The following ZNF510 variants were observed in gnomAD, a reference collection of about 807,000 sequenced individuals.
ZNF510 encodes zinc finger protein 510.
ZNF510 carries 15 observed loss-of-function variants against 18.1 expected under a neutral mutation model. That is an observed-to-expected ratio of 0.83 (90% CI 0.55 to 1.28). The LOEUF is 1.28. Ranked by LOEUF, ZNF510 falls within the 50% of genes most tolerant of loss-of-function variation. ZNF510 has a pLI of 0.00. For missense variants in ZNF510, 724 were observed against 791.8 expected (o/e 0.91, Z 1.03); for synonymous variants, 261 against 266.4 (o/e 0.98, Z 0.20).
rs538244113 is a variant in ZNF510 at position 96,759,606 on chromosome 9, T to C, written c.1224A>G (p.Glu408=). The C allele has an allele frequency of 2.7e-5, 44 of 1,614,024 alleles. 2 individuals are homozygous for C. The South Asian group carries it at 4.4e-4, about 16-fold the overall frequency. ...HSMMKPYKCN[E]CGKSFCQKGH... is the part of the protein sequence containing the mutation. ...CTTTCTGACAGAAGGATTTCCCACA[T>C]TCATTACATTTATAGGGTTTCATCA... The change falls in exon 6 of 6, where the codon GAA becomes GAG. Residue 408 remains glutamate, a synonymous_variant. Transcript: ENST00000223428.
At chr9:96,770,078 G>A (rs1849554587) in intron 3 of ZNF510, among the ~76,000 whole-genome samples, 1 of 152,266 alleles carries the variant, frequency 6.6e-6, no homozygotes, top group East Asian at 1.9e-4. Flanking sequence ...TTAGTCCCAA[G>A]AGAAAACAGG....
At chr9:96,767,284 T>C (rs531614778) in intron 3 of ZNF510, among the ~76,000 whole-genome samples, 1 of 152,140 alleles carries the variant, frequency 6.6e-6, no homozygotes, top group South Asian at 2.1e-4. Context: ...GCTGATATCG[T>C]GCCACTACAC....
chr9:96,759,220 G>A lies in ZNF510; in HGVS notation c.1610C>T (p.Thr537Ile), dbSNP rs777345274. 1 of 1,613,920 alleles carries A rather than the reference G, an allele frequency of 6.2e-7. No individual in the cohort carries two copies. Among genetic ancestry groups the A allele is most frequent in the Admixed American group, 1.7e-5 (1 of 59,990 alleles). ...CTGGTAAGTTTTCTCCCCAGTGTGA[G>A]TTCTCTGATGTATTCTGAGGTTTGA... The part of the protein sequence containing the change: ...QKSNLRIHQR[T>I]HTGEKTYQCN... Residue 537 changes from threonine (T) to isoleucine (I), a missense_variant, in exon 6 of 6, where the codon ACT becomes ATT. By Grantham distance (89) the Thr-to-Ile change is moderately conservative. Transcript: ENST00000223428.
At position 96,769,293 on chromosome 9, in the gene ZNF510, C is replaced by T. The variant is rs187516754; in HGVS notation, c.129+5495G>A. ...CTACTGAAAAAATATAAAAATTACC[C>T]GGGCATTGTGGTGCATGCCTGTAAT... On this transcript the variant is annotated intron_variant, in intron 3 of 5. Coordinates refer to ENST00000223428, the MANE Select transcript of ZNF510 (RefSeq NM_014930.3). Among the ~76,000 whole-genome samples, 16 of 152,008 alleles carry T rather than the reference C, an allele frequency of 1.1e-4. 1 individual carries two copies. The East Asian group carries it at 2.1e-3, about 20-fold the overall frequency.
intron 3 of ZNF510, among the ~76,000 whole-genome samples, chr9:96,768,712 C>T (rs568335686): frequency 1.4e-4 from 21 of 152,226 alleles, no homozygotes; most frequent in African/African-American, 5.1e-4. Flanking sequence ...AATGGAAAGA[C>T]ACCTTGTGTT....
chr9:96,762,698 T>C (rs77191678), intron 5 of ZNF510, among the ~76,000 whole-genome samples: 2,832 of 152,264 alleles, frequency 0.019, 81 homozygotes, highest in African/African-American at 0.063. Context: ...CTTCATATAT[T>C]ATTTTGTGCT....
intron 3 of ZNF510, among the ~76,000 whole-genome samples, chr9:96,771,580 A>G (rs1410645276): frequency 1.3e-5 from 2 of 152,112 alleles, no homozygotes; most frequent in African/African-American, 4.8e-5. Flanking sequence ...AAGGATTTCT[A>G]TTATCACCAT....
chr9:96,771,999 GTAAA>G (rs1186701584), intron 3 of ZNF510, among the ~76,000 whole-genome samples: 1 of 152,096 alleles, frequency 6.6e-6, no homozygotes, highest in South Asian at 2.1e-4. Flanking sequence ...ACCTAAAATA[GTAAA>G]TAAATTCACA....
rs138235342 is a variant in ZNF510 at position 96,758,837 on chromosome 9, A to G, written c.1993T>C (p.Cys665Arg). Residue 665 changes from cysteine (C) to arginine (R), a missense_variant, in exon 6 of 6, where the codon TGT becomes CGT. By Grantham distance (180) the Cys-to-Arg change is radical. Coordinates refer to ENST00000223428, the MANE Select transcript of ZNF510 (RefSeq NM_014930.3). ...SYECNEYGKL[C>R]KKSTLSLYQK... is the part of the protein sequence containing the mutation. ...TATAAGCTTAGGGTAGACTTCTTAC[A>G]TAATTTCCCATATTCATTGCATTCA... 1.6e-4 allele frequency: 261 copies of G among 1,612,916 alleles called. No homozygotes were observed. The highest frequency in any genetic ancestry group is 2.1e-4 in the Non-Finnish European group (246 of 1,179,234).
rs772970752 is a variant in ZNF510 at position 96,774,658 on chromosome 9, T to C, written c.129+130A>G. On this transcript the variant is annotated intron_variant, in intron 3 of 5. Transcript: ENST00000223428. ...CCATCTTTCCACATGCCAATTCTGC[T>C]GTGCTACTGCCCTGCTTTTCTATAT... The C allele has an allele frequency of 3.6e-4, 284 of 782,806 alleles. 1 individual carries two copies. The highest frequency in any genetic ancestry group is 5.1e-4 in the Non-Finnish European group (258 of 501,238). 48.5% of individuals were successfully genotyped at this position (782,806 alleles called of 1,614,324 possible).
chr9:96,771,279 C>T (rs921209443), intron 3 of ZNF510, among the ~76,000 whole-genome samples: 4 of 151,840 alleles, frequency 2.6e-5, no homozygotes, highest in African/African-American at 9.7e-5. Flanking sequence ...ATAGCACTAC[C>T]TTATGTGGGA....
intron 3 of ZNF510, among the ~76,000 whole-genome samples, chr9:96,774,019 T>C (rs746598774): frequency 1.3e-5 from 2 of 152,244 alleles, no homozygotes; most frequent in African/African-American, 2.4e-5. Flanking sequence ...CCTAGCAAAC[T>C]AATACTAAGG....
chr9:96,764,053 C>T (rs1188697018), intron 3 of ZNF510, among the ~76,000 whole-genome samples: 1 of 152,206 alleles, frequency 6.6e-6, no homozygotes, highest in Non-Finnish European at 1.5e-5. Context: ...GCCATGATCA[C>T]ACCACTGTAT....
chr9:96,758,728 G>C lies in ZNF510; in HGVS notation c.*50C>G. The C allele has an allele frequency of 1.3e-6, 2 of 1,505,018 alleles. No individual in the cohort carries two copies. The highest frequency in any genetic ancestry group is 1.8e-6 in the Non-Finnish European group (2 of 1,127,794). 93.2% of individuals were successfully genotyped at this position (1,505,018 alleles called of 1,614,324 possible). On this transcript the variant is annotated 3_prime_UTR_variant, in exon 6 of 6. Coordinates refer to ENST00000223428, the MANE Select transcript of ZNF510 (RefSeq NM_014930.3). The stretch of plus-strand genomic sequence containing the variant: ...CTCAATTGGTTTTTTGTGTATCTCT[G>C]ATATCAAATGGGGTATTCCTTTTGT...
At chr9:96,762,204 T>TAA (rs551652153) in intron 5 of ZNF510, among the ~76,000 whole-genome samples, 1,318 of 99,412 alleles carry the variant, frequency 0.013, 28 homozygotes, top group African/African-American at 0.024. Context: ...CTGTGGAAAT[T>TAA]AAAAAAAAAA....
At chr9:96,762,490 CAG>C (rs1849373221) in intron 5 of ZNF510, among the ~76,000 whole-genome samples, 1 of 144,314 alleles carries the variant, frequency 6.9e-6, no homozygotes, top group East Asian at 2.0e-4. Flanking sequence ...GCCTGAGTGA[CAG>C]AGGGAGACTC....
chr9:96,764,199 C>T (rs1386149706), intron 3 of ZNF510, among the ~76,000 whole-genome samples: 1 of 151,394 alleles, frequency 6.6e-6, no homozygotes, highest in East Asian at 1.9e-4. Flanking sequence ...ATTTTTGTAG[C>T]CAAAAAATGT....
chr9:96,756,050 G>A lies in ZNF510; in HGVS notation c.*2728C>T, dbSNP rs1849186602. On this transcript the variant is annotated 3_prime_UTR_variant, in exon 6 of 6. Transcript: ENST00000223428. ...AGCTTGATTCCAGTCAGTCTTATCA[G>A]AAAATAGTCTCTTATTATGGGCATC... is the stretch of plus-strand genomic sequence containing the variant. 1 of 152,122 alleles carries A rather than the reference G, an allele frequency of 6.6e-6. No individual in the cohort carries two copies. Among genetic ancestry groups the A allele is most frequent in the African/African-American group, 2.4e-5 (1 of 41,410 alleles). The allele number at this position is 152,122 out of a possible 1,614,324, so 9.4% of individuals were successfully genotyped here. A position where few individuals can be genotyped will look rare whatever the true frequency, so the allele number is the denominator to read the frequency against.
Position 96,763,508 on chromosome 9 carries a change from A to G in ZNF510, c.254T>C (p.Val85Ala), listed in dbSNP as rs1195104777. Residue 85 changes from valine to alanine, a missense_variant and splice_region_variant, in exon 4 of 6, where the codon GTG becomes GCG. Val to Ala is a moderately conservative substitution (Grantham distance 64, BLOSUM62 0). Coordinates refer to ENST00000223428, the MANE Select transcript of ZNF510 (RefSeq NM_014930.3). Reference protein sequence around the residue: ...MLENYSNLVSVGYCCFKPEVI... With the variant: ...MLENYSNLVSAGYCCFKPEVI... ...GTAAGTTATGTTTACATGCTTACCC[A>G]CTGAGACGAGGTTGCTGTAGTTCTC... 4.4e-6 allele frequency: 7 copies of G among 1,605,906 alleles called. No homozygotes were observed. Among genetic ancestry groups the G allele is most frequent in the Non-Finnish European group, 5.9e-6 (7 of 1,177,322 alleles).
Sources: gnomAD v4.1 joint callset for allele counts (sites outside exome capture counted in the v4.1 genomes callset) on GRCh38, gnomAD v4.1.1 for gene constraint, MANE v1.5 for transcripts, NCBI Gene and HGNC (gene_info 2026-07-23, HGNC 2026-07-21) for gene names.